The following CA10 variants were observed in gnomAD, a reference collection of about 807,000 sequenced individuals.
CA10 encodes carbonic anhydrase-related protein 10.
A neutral mutation model predicts 44.2 loss-of-function variants in CA10; 14 were observed. That is an observed-to-expected ratio of 0.32 (90% confidence interval 0.21 to 0.50). CA10 has a LOEUF of 0.50. Ranked by LOEUF, CA10 falls within the 20% of genes least tolerant of loss-of-function variation. The pLI is 0.99. For missense variants in CA10, 350 were observed against 409.7 expected, an observed-to-expected ratio of 0.85 and a Z score of 1.26; for synonymous variants, 159 against 141.6, an observed-to-expected ratio of 1.12 and a Z score of -0.87.
intron 3 of CA10, among the ~76,000 whole-genome samples, chr17:51,861,645 G>T (rs193051582): frequency 2.6e-5 from 4 of 151,868 alleles, no homozygotes; most frequent in Admixed American, 6.6e-5. Flanking sequence ...AGAGAGCATA[G>T]TAAAAAATTC....
chr17:51,809,136 A>G (rs1053761988), intron 3 of CA10, among the ~76,000 whole-genome samples: 1 of 152,150 alleles, frequency 6.6e-6, no homozygotes, highest in Non-Finnish European at 1.5e-5. Context: ...AACAAAAGTG[A>G]TAGGGAAAAA....
chr17:51,717,847 A>ATGTG lies in CA10; in HGVS notation c.465+29785_465+29786insCACA, dbSNP rs1916211942. ...TGTGTGTGTATATATATATATATATATATATATATATATATATATATACAG... is the reference window on the plus strand; with the variant it reads ...TGTGTGTGTATATATATATATATATATGTGTATATATATATATATATATATACAG... On this transcript the variant is annotated intron_variant, in intron 4 of 8. Coordinates refer to ENST00000451037, the MANE Select transcript of CA10 (RefSeq NM_020178.5). Among the ~76,000 whole-genome samples, 2 of 83,064 alleles carry ATGTG rather than the reference A, an allele frequency of 2.4e-5. 1 individual carries two copies. The highest frequency in any genetic ancestry group is 2.8e-4 in the Admixed American group (2 of 7,162). The allele number at this position is 83,064 out of a possible 152,430, so 54.5% of individuals were successfully genotyped here.
chr17:51,632,353 T>C (rs929302880), intron 8 of CA10, among the ~76,000 whole-genome samples: 4 of 152,160 alleles, frequency 2.6e-5, no homozygotes, highest in Admixed American at 2.6e-4. Context: ...AGTTAGGTAT[T>C]TACTTTTCTG....
intron 3 of CA10, among the ~76,000 whole-genome samples, chr17:51,850,561 C>T (rs1216836581): frequency 6.6e-6 from 1 of 152,176 alleles, no homozygotes; most frequent in East Asian, 1.9e-4. Context: ...CTTCAGCCTC[C>T]CCATAACTTT....
Position 51,712,081 on chromosome 17 carries a change from T to G in CA10, c.465+35552A>C, listed in dbSNP as rs368968220. ...TTTGATAAACAAGCCTATTCTAAAG[T>G]GAGAGCTACCCCAGGCTCCAGACAC... On this transcript the variant is annotated intron_variant, in intron 4 of 8. Coordinates refer to ENST00000451037, the MANE Select transcript of CA10 (RefSeq NM_020178.5). 1.9e-4 allele frequency among the ~76,000 whole-genome samples: 29 copies of G among 152,122 alleles called. 1 individual carries two copies. Among genetic ancestry groups the G allele is most frequent in the African/African-American group, 6.8e-4 (28 of 41,426 alleles).
rs35051892 is a variant in CA10 at position 51,667,568 on chromosome 17, CAA to C, written c.466-13834_466-13833del. ...GTGCTACATATTTCTGCTGAGCAAG[CAA>C]AAAAAAAAAAAATGACCTTGGGTTA... On this transcript the variant is annotated intron_variant, in intron 4 of 8. Coordinates refer to ENST00000451037, the MANE Select transcript of CA10 (RefSeq NM_020178.5). Among the ~76,000 whole-genome samples the C allele has an allele frequency of 4.8e-3, 693 of 145,764 alleles. 2 individuals carry two copies. Among genetic ancestry groups the C allele is most frequent in the Middle Eastern group, 0.01 (3 of 288 alleles).
chr17:52,028,879 T>C (rs2144168675), intron 2 of CA10, among the ~76,000 whole-genome samples: 1 of 152,348 alleles, frequency 6.6e-6, no homozygotes, highest in African/African-American at 2.4e-5. Context: ...CACTAACTTT[T>C]ACATTTCAAT....
intron 3 of CA10, among the ~76,000 whole-genome samples, chr17:51,869,404 T>C (rs531923427): frequency 1.8e-4 from 27 of 152,282 alleles, no homozygotes; most frequent in Admixed American, 5.9e-4. Context: ...CTAGGCCTCT[T>C]CTAGACTCAG....
intron 4 of CA10, among the ~76,000 whole-genome samples, chr17:51,672,846 G>T (rs73987147): frequency 0.02 from 3,027 of 152,242 alleles, 93 homozygotes; most frequent in African/African-American, 0.069. Flanking sequence ...GCCAGTCTCA[G>T]TCTTCTCCCG....
chr17:51,844,046 T>C (rs1456940543), intron 3 of CA10, among the ~76,000 whole-genome samples: 1 of 152,144 alleles, frequency 6.6e-6, no homozygotes, highest in Non-Finnish European at 1.5e-5. Context: ...AATTTTTAAA[T>C]TTCCCCCAGA....
At chr17:52,132,841 G>A (rs547902502) in intron 1 of CA10, among the ~76,000 whole-genome samples, 1 of 152,230 alleles carries the variant, frequency 6.6e-6, no homozygotes, top group Admixed American at 6.5e-5. Flanking sequence ...TGGGGACTTG[G>A]TCCAGACACA....
intron 2 of CA10, among the ~76,000 whole-genome samples, chr17:52,037,598 A>T (rs1433362601): frequency 2.6e-5 from 4 of 152,168 alleles, no homozygotes; most frequent in African/African-American, 4.8e-5. Flanking sequence ...CCTCCTCCTA[A>T]AAACCTCAAG....
chr17:52,110,572 TTACCTG>T (rs1279967557), intron 1 of CA10, among the ~76,000 whole-genome samples: 2 of 152,340 alleles, frequency 1.3e-5, no homozygotes, highest in East Asian at 3.9e-4. Flanking sequence ...TGTCTGCGAT[TTACCTG>T]AAGGAGAGGT....
intron 4 of CA10, among the ~76,000 whole-genome samples, chr17:51,688,919 C>A (rs958358592): frequency 1.3e-5 from 2 of 152,164 alleles, no homozygotes; most frequent in Non-Finnish European, 2.9e-5. Flanking sequence ...CAGGTGTTGT[C>A]CTAACACTTG....
intron 4 of CA10, among the ~76,000 whole-genome samples, chr17:51,715,723 C>G (rs561681834): frequency 4.5e-4 from 69 of 152,094 alleles, no homozygotes; most frequent in African/African-American, 1.6e-3. Context: ...CGGAGTCTCG[C>G]TCTGTTACCC....
chr17:51,742,328 A>T (rs1294849900), intron 4 of CA10, among the ~76,000 whole-genome samples: 1 of 152,172 alleles, frequency 6.6e-6, no homozygotes, highest in Admixed American at 6.5e-5. Context: ...TCAATGGAGC[A>T]TCTCTACCAG....
chr17:51,992,099 A>C (rs1275339581), intron 2 of CA10, among the ~76,000 whole-genome samples: 2 of 152,020 alleles, frequency 1.3e-5, no homozygotes. Flanking sequence ...GTTTTTAAAG[A>C]TCTATAAATG....
chr17:51,948,228 C>A lies in CA10; in HGVS notation c.137-17096G>T, dbSNP rs559747079. 2.6e-5 allele frequency among the ~76,000 whole-genome samples: 4 copies of A among 152,248 alleles called. No homozygotes were observed. The East Asian group carries it at 7.7e-4, about 29-fold the overall frequency. ...TCCGCCTGTATTGCTGGGGCAGGGG[C>A]TCAATAAGCCATATTTCTGCTTTGT... On this transcript the variant is annotated intron_variant, in intron 2 of 8. Transcript: ENST00000451037.
intron 1 of CA10, among the ~76,000 whole-genome samples, chr17:52,097,741 GAC>G (rs1217722063): frequency 9.9e-5 from 15 of 152,024 alleles, no homozygotes; most frequent in African/African-American, 3.6e-4. Flanking sequence ...TCATCAAGGA[GAC>G]ACAGTTTGAT....
Sources: gnomAD v4.1 joint callset for allele counts (sites outside exome capture counted in the v4.1 genomes callset) on GRCh38, gnomAD v4.1.1 for gene constraint, MANE v1.5 for transcripts, NCBI Gene and HGNC (gene_info 2026-07-23, HGNC 2026-07-21) for gene names.